Variants in NRG1 observed in about 807,000 individuals in gnomAD.
NRG1 encodes neuregulin 1.
In NRG1, 18 loss-of-function variants were observed where a neutral mutation model predicts 63.8. The observed-to-expected ratio is 0.28, with a 90% confidence interval of 0.19 to 0.42. The LOEUF (loss-of-function observed/expected upper bound fraction) is 0.42. Ranked by LOEUF, NRG1 falls within the 10% of genes least tolerant of loss-of-function variation. NRG1 has a pLI of 1.00. For synonymous variants in NRG1, 302 were observed against 301.3 expected (o/e 1.00, Z -0.02); for missense variants, 762 against 814.7 (o/e 0.94, Z 0.79).
Position 32,236,273 on chromosome 8 carries a change from A to C in NRG1, c.38-359555A>C, listed in dbSNP as rs926466808. Among the ~76,000 whole-genome samples, 8 of 152,074 alleles carry C rather than the reference A, an allele frequency of 5.3e-5. No individual in the cohort carries two copies. The South Asian group carries it at 1.0e-3, about 20-fold the overall frequency. On this transcript the variant is annotated intron_variant, in intron 1 of 10. Transcript: ENST00000519301. ...TTGAGACAATTTAGCCCTGGAATCA[A>C]ACCTGGGGGGGAAAATCAAATTATG...
At chr8:31,746,281 C>T (rs1325370369) in intron 1 of NRG1, among the ~76,000 whole-genome samples, 5 of 151,908 alleles carry the variant, frequency 3.3e-5, no homozygotes, top group Admixed American at 1.3e-4. Flanking sequence ...AACTGCTTTG[C>T]TAATTTAAGT....
intron 1 of NRG1, chr8:32,171,236 A>G (rs1476717663): frequency 1.3e-5 from 2 of 152,238 alleles, no homozygotes; most frequent in African/African-American, 2.4e-5. Context: ...ATACTTAATT[A>G]TATTTTTAAT....
At chr8:31,854,286 C>T (rs893331911) in intron 1 of NRG1, among the ~76,000 whole-genome samples, 52 of 152,264 alleles carry the variant, frequency 3.4e-4, no homozygotes, top group Non-Finnish European at 5.9e-4. Flanking sequence ...GCCACAATTT[C>T]AGATCCTGTT....
At chr8:32,398,419 T>TAG (rs1812721134) in intron 1 of NRG1, among the ~76,000 whole-genome samples, 1 of 151,810 alleles carries the variant, frequency 6.6e-6, no homozygotes, top group African/African-American at 2.4e-5. Flanking sequence ...AATTTTTTTT[T>TAG]TTTTTTTTTA....
intron 1 of NRG1, among the ~76,000 whole-genome samples, chr8:31,705,096 C>T (rs1417304492): frequency 6.6e-6 from 1 of 151,966 alleles, no homozygotes; most frequent in Non-Finnish European, 1.5e-5. Context: ...AGTGCAGTGG[C>T]GCGATCTCGG....
chr8:31,779,952 A>G lies in NRG1; in HGVS notation c.37+140521A>G, dbSNP rs117820681. Among the ~76,000 whole-genome samples, 585 of 152,384 alleles carry G rather than the reference A, an allele frequency of 3.8e-3. 1 individual carries two copies. Among genetic ancestry groups the G allele is most frequent in the Middle Eastern group, 0.02 (6 of 294 alleles). ...AGTGCAATATACTTATTTGGAGAGG[A>G]TTACAACATAAACAAGAACCAACGA... On this transcript the variant is annotated intron_variant, in intron 1 of 10. Transcript: ENST00000519301.
chr8:32,033,091 ATTTTT>A (rs898802902), intron 1 of NRG1, among the ~76,000 whole-genome samples: 3 of 111,606 alleles, frequency 2.7e-5, no homozygotes, highest in Non-Finnish European at 1.9e-5. Context: ...TGTGCAGTCT[ATTTTT>A]TTTTTTTTTT....
rs33990661 is a variant in NRG1 at position 32,346,552 on chromosome 8, G to GA, written c.38-249263dup. 5.7e-3 allele frequency among the ~76,000 whole-genome samples: 848 copies of GA among 147,568 alleles called. 8 individuals carry two copies. The highest frequency in any genetic ancestry group is 8.0e-3 in the Non-Finnish European group (539 of 67,074). On this transcript the variant is annotated intron_variant, in intron 1 of 10. Transcript: ENST00000519301. Reference sequence around the variant, plus strand: ...AGCAAACATTAGAGGCATCTTTTGGGAAAAAAAAAAAAATCTATATTTATC... The same window carrying GA: ...AGCAAACATTAGAGGCATCTTTTGGGAAAAAAAAAAAAAATCTATATTTATC...
chr8:32,100,044 G>A (rs900397921), intron 1 of NRG1, among the ~76,000 whole-genome samples: 1 of 151,928 alleles, frequency 6.6e-6, no homozygotes. Flanking sequence ...GAAGGGCTTA[G>A]GTCAATTTCT....
intron 1 of NRG1, among the ~76,000 whole-genome samples, chr8:32,173,596 A>C (rs1358473517): frequency 3.3e-5 from 5 of 152,204 alleles, no homozygotes; most frequent in African/African-American, 1.2e-4. Context: ...CAGGAAACCC[A>C]TCTCACGTGC....
intron 1 of NRG1, among the ~76,000 whole-genome samples, chr8:31,806,457 A>T (rs1822295332): frequency 2.6e-5 from 4 of 152,150 alleles, no homozygotes; most frequent in Admixed American, 2.6e-4. Context: ...ACTTCCATCA[A>T]TATCGAGTTT....
At chr8:31,688,685 G>T (rs949630180) in intron 1 of NRG1, among the ~76,000 whole-genome samples, 2 of 152,128 alleles carry the variant, frequency 1.3e-5, no homozygotes, top group South Asian at 2.1e-4. Flanking sequence ...AAATACACAG[G>T]TACGTGTAGA....
At chr8:32,066,776 G>A (rs915728387) in intron 1 of NRG1, among the ~76,000 whole-genome samples, 1 of 152,066 alleles carries the variant, frequency 6.6e-6, no homozygotes, top group African/African-American at 2.4e-5. Flanking sequence ...AATTACCTTG[G>A]GCAGTATGGC....
chr8:32,428,469 G>A (rs1035461457), intron 1 of NRG1, among the ~76,000 whole-genome samples: 1 of 151,982 alleles, frequency 6.6e-6, no homozygotes, highest in African/African-American at 2.4e-5. Context: ...GCCTTCGTTA[G>A]CAGATTTCAA....
At chr8:31,705,271 C>T (rs193177520) in intron 1 of NRG1, among the ~76,000 whole-genome samples, 1 of 152,138 alleles carries the variant, frequency 6.6e-6, no homozygotes, top group Admixed American at 6.5e-5. Flanking sequence ...TGGTCTCCAT[C>T]TCCTGACCTT....
chr8:32,100,307 A>G lies in NRG1; in HGVS notation c.37+460876A>G, dbSNP rs1830409015. ...GTAGTAAACTCAAGACAACATTTAT[A>G]TTGCACTTTACAATACATAAAGCAC... On this transcript the variant is annotated intron_variant, in intron 1 of 10. Transcript: ENST00000519301. Among the ~76,000 whole-genome samples the G allele has an allele frequency of 2.6e-5, 4 of 152,218 alleles. No homozygotes were observed. In the South Asian group the frequency reaches 8.3e-4, roughly 32 times the overall value.
At chr8:32,730,887 A>G (rs1018652842) in intron 6 of NRG1, among the ~76,000 whole-genome samples, 15 of 152,226 alleles carry the variant, frequency 9.9e-5, no homozygotes, top group Admixed American at 6.5e-5. Flanking sequence ...TTGAAAAAGC[A>G]TTTAAATTAT....
At chr8:32,150,572 A>G (rs1260070018) in intron 1 of NRG1, among the ~76,000 whole-genome samples, 1 of 152,204 alleles carries the variant, frequency 6.6e-6, no homozygotes, top group Non-Finnish European at 1.5e-5. Context: ...CCCTTGCCAG[A>G]CACTGAATGT....
intron 1 of NRG1, among the ~76,000 whole-genome samples, chr8:32,048,461 A>ATG (rs1479121409): frequency 1.4e-5 from 1 of 72,744 alleles, no homozygotes; most frequent in African/African-American, 4.9e-5. Flanking sequence ...ATATATATAT[A>ATG]TATATATATA....
Sources: allele counts gnomAD v4.1 joint callset (sites outside exome capture counted in the v4.1 genomes callset), GRCh38; gene constraint gnomAD v4.1.1; transcripts MANE v1.5; gene names NCBI Gene and HGNC (gene_info 2026-07-23, HGNC 2026-07-21).